RBFOX1: variants seen among roughly 807,000 people sequenced by gnomAD.
RBFOX1 encodes the protein RNA binding protein fox-1 homolog 1.
In RBFOX1, 8 loss-of-function variants were observed where a neutral mutation model predicts 57.7. The observed-to-expected ratio is 0.14, with a 90% CI of 0.08 to 0.25. The LOEUF is 0.25. RBFOX1 is among the 10% of genes least tolerant of loss of function. RBFOX1 has a pLI of 1.00. For missense variants in RBFOX1, 611 were observed against 548.5 expected (o/e 1.11, Z -1.14); for synonymous variants, 326 against 222.4 (o/e 1.47, Z -4.15).
intron 3 of RBFOX1, among the ~76,000 whole-genome samples, chr16:5,624,080 A>G (rs763074677): frequency 6.6e-6 from 1 of 152,236 alleles, no homozygotes; most frequent in Non-Finnish European, 1.5e-5. Context: ...AGAGCAAATA[A>G]GGGATTAAAG....
At chr16:5,824,992 T>G (rs2055984648) in intron 3 of RBFOX1, among the ~76,000 whole-genome samples, 1 of 152,088 alleles carries the variant, frequency 6.6e-6, no homozygotes. Flanking sequence ...CATCAGAAAA[T>G]TAAGAGGTCC....
At chr16:7,409,985 C>A (rs1323429077) in intron 4 of RBFOX1, among the ~76,000 whole-genome samples, 1 of 152,110 alleles carries the variant, frequency 6.6e-6, no homozygotes, top group Non-Finnish European at 1.5e-5. Flanking sequence ...AGGAAGAGGA[C>A]CAGGGGACAC....
chr16:5,921,168 A>T (rs1297148551), intron 4 of RBFOX1, among the ~76,000 whole-genome samples: 1 of 152,222 alleles, frequency 6.6e-6, no homozygotes, highest in Admixed American at 6.5e-5. Flanking sequence ...GGCCATAGAA[A>T]GCAGTGGAAT....
intron 15 of RBFOX1, 161 bp from the exon 16 acceptor site, chr16:7,710,462 T>G (rs868543334): frequency 1.3e-6 from 2 of 1,481,556 alleles, no homozygotes; most frequent in Non-Finnish European, 1.8e-6. Context: ...AGGTCAGGAA[T>G]GGCCCTATCT....
intron 3 of RBFOX1, among the ~76,000 whole-genome samples, chr16:5,856,095 G>C (rs1176800927): frequency 7.6e-6 from 1 of 131,424 alleles, no homozygotes; most frequent in East Asian, 2.2e-4. Flanking sequence ...TTTGTATCCT[G>C]CAAATTTACT....
downstream of RBFOX1, among the ~76,000 whole-genome samples, chr16:5,603,879 G>A (rs772035148): frequency 2.6e-5 from 4 of 152,192 alleles, no homozygotes; most frequent in Admixed American, 1.3e-4. Flanking sequence ...GCTGTCCAGC[G>A]TAAGAACCGC....
In RBFOX1 at chr16:6,033,729, C is replaced by T. The variant is rs570203885; in HGVS notation, c.-127+13737C>T. ...ATTTATGTTGTTTCCATTTTTGAAG[C>T]GCTACATGGAATATCTTCAACCGCC... On this transcript the variant is annotated intron_variant, in intron 1 of 15. Transcript: ENST00000550418. 1.2e-3 allele frequency among the ~76,000 whole-genome samples: 177 copies of T among 152,216 alleles called. 2 individuals carry two copies. Among genetic ancestry groups the T allele is most frequent in the Admixed American group, 5.7e-3 (87 of 15,296 alleles).
At chr16:5,639,585 C>G (rs1394790710) in intron 3 of RBFOX1, among the ~76,000 whole-genome samples, 2 of 152,206 alleles carry the variant, frequency 1.3e-5, no homozygotes, top group Non-Finnish European at 2.9e-5. Flanking sequence ...CTCCATCACT[C>G]TCTATCATCT....
intron 1 of RBFOX1, among the ~76,000 whole-genome samples, chr16:6,217,896 A>G (rs2097346382): frequency 1.3e-5 from 2 of 152,168 alleles, no homozygotes. Flanking sequence ...ATGATTGTTA[A>G]TCCGAGCTAC....
At position 5,544,615 on chromosome 16, in the gene RBFOX1, G is replaced by A. The variant is rs4497690; in HGVS notation, c.259-54287G>A. Among the ~76,000 whole-genome samples the A allele has an allele frequency of 2.6e-5, 4 of 151,810 alleles. No homozygotes were observed. The East Asian group carries it at 5.8e-4, about 22-fold the overall frequency. ...ATAAAACCAACAGCTAGTTCTTTGG[G>A]AAGATCAATAAATTGAGAAGCAGCT... On this transcript the variant is annotated intron_variant, in intron 2 of 2. Coordinates refer to the RBFOX1 transcript ENST00000585867.
chr16:7,205,478 A>G (rs1320109046), intron 4 of RBFOX1, among the ~76,000 whole-genome samples: 3 of 150,594 alleles, frequency 2.0e-5, no homozygotes, highest in South Asian at 2.1e-4. Flanking sequence ...ATGCCATTGC[A>G]CTCCAGCCTG....
At chr16:7,332,148 G>C (rs1428425356) in intron 4 of RBFOX1, among the ~76,000 whole-genome samples, 1 of 152,184 alleles carries the variant, frequency 6.6e-6, no homozygotes, top group East Asian at 1.9e-4. Flanking sequence ...TTAGGAATCG[G>C]GCTCTGGAAT....
intron 7 of RBFOX1, among the ~76,000 whole-genome samples, chr16:7,594,665 GC>G (rs2094600710): frequency 1.3e-5 from 2 of 152,076 alleles, no homozygotes; most frequent in Non-Finnish European, 2.9e-5. Flanking sequence ...AGAGGAAGTG[GC>G]CAGAATATTA....
intron 1 of RBFOX1, among the ~76,000 whole-genome samples, chr16:6,103,901 C>A (rs556821264): frequency 6.6e-6 from 1 of 152,178 alleles, no homozygotes; most frequent in South Asian, 2.1e-4. Context: ...TGCTCTGTTC[C>A]AATTTGGAAG....
At chr16:7,410,431 C>T (rs764242016) in intron 4 of RBFOX1, among the ~76,000 whole-genome samples, 13 of 152,204 alleles carry the variant, frequency 8.5e-5, no homozygotes, top group Non-Finnish European at 8.8e-5. Flanking sequence ...CCTGTAATCC[C>T]AGCACTTTGG....
At chr16:6,407,596 G>GAGAGAGAGAGAC (rs71386523) in intron 2 of RBFOX1, among the ~76,000 whole-genome samples, 8 of 146,182 alleles carry the variant, frequency 5.5e-5, no homozygotes, top group South Asian at 2.2e-4. Context: ...AGAGAGAGAA[G>GAGAGAGAGAGAC]TACATTCTAT....
intron 1 of RBFOX1, among the ~76,000 whole-genome samples, chr16:5,447,077 A>T (rs531543762): frequency 6.6e-6 from 1 of 152,166 alleles, no homozygotes; most frequent in East Asian, 1.9e-4. Flanking sequence ...CACGATCAAC[A>T]AAAGAGGTAA....
intron 3 of RBFOX1, among the ~76,000 whole-genome samples, chr16:6,778,871 T>C (rs1352600347): frequency 6.6e-6 from 1 of 151,946 alleles, no homozygotes; most frequent in Non-Finnish European, 1.5e-5. Flanking sequence ...CTAGTTTTTT[T>C]TTTATTTTTA....
At chr16:6,365,241 T>C (rs1280319629) in intron 2 of RBFOX1, among the ~76,000 whole-genome samples, 5 of 151,984 alleles carry the variant, frequency 3.3e-5, no homozygotes, top group African/African-American at 1.2e-4. Flanking sequence ...GATGGATGGA[T>C]AGAGGGACAG....
Sources: allele counts gnomAD v4.1 joint callset (sites outside exome capture counted in the v4.1 genomes callset), GRCh38; gene constraint gnomAD v4.1.1; transcripts MANE v1.5; gene names NCBI Gene and HGNC (gene_info 2026-07-23, HGNC 2026-07-21).